SMC1A: variants seen among roughly 807,000 people sequenced by gnomAD.
The protein encoded by SMC1A is structural maintenance of chromosomes 1A.
Under a neutral mutation model 94.5 loss-of-function variants are expected in SMC1A, and 4 were observed. That is an observed-to-expected ratio of 0.04 (90% CI 0.02 to 0.10). The LOEUF (loss-of-function observed/expected upper bound fraction) is 0.10, where lower values mean the gene tolerates loss of function less well. Ranked by LOEUF, SMC1A falls within the 10% of genes least tolerant of loss-of-function variation. The pLI is 1.00. For missense variants in SMC1A, 304 were observed against 989.0 expected (o/e 0.31, Z 9.29); for synonymous variants, 345 against 347.7 (o/e 0.99, Z 0.09).
chrX:53,422,709 G>A, upstream of SMC1A: 1 of 546,375 alleles, frequency 1.8e-6, no homozygotes, highest in Non-Finnish European at 3.3e-6. Flanking sequence ...GGCAAATGTC[G>A]CGAGAATACG....
rs1485015290 is a variant in SMC1A, at chrX:53,374,901, C to T, written c.*5202G>A. The T allele has an allele frequency of 3.5e-5, 4 of 113,037 alleles. No homozygotes were observed. The East Asian group carries it at 1.1e-3, about 32-fold the overall frequency. 9.3% of individuals were successfully genotyped at this position (113,037 alleles called of 1,213,427 possible). ...ATTAACGTTCACTTCTTCTGAATAGCTCACATTCTGCCTCCCTGAAAGATC... is the reference window on the plus strand; with the variant it reads ...ATTAACGTTCACTTCTTCTGAATAGTTCACATTCTGCCTCCCTGAAAGATC... On this transcript the variant is annotated 3_prime_UTR_variant, in exon 25 of 25. Transcript: ENST00000322213.
rs1569351887 is a variant in SMC1A, at chrX:53,382,585, C to T, written c.3206G>A (p.Arg1069His). ...CACAGATTCAAAACAAGCATTGAAG[C>T]GGTCAAAGCGCTCCTTCTTGATCTG... ...FEQIKKERFD[R>H]FNACFESVAT... The change falls in exon 21 of 25, where the codon CGC becomes CAC. Residue 1069 changes from arginine (R) to histidine (H), a missense_variant. Transcript: ENST00000322213. 1.7e-6 allele frequency: 2 copies of T among 1,209,452 alleles called. No individual in the cohort carries two copies. The highest frequency in any genetic ancestry group is 1.8e-5 in the South Asian group (1 of 56,775).
At chrX:53,389,279 C>A (rs1556886857) in intron 19 of SMC1A, among the ~76,000 whole-genome samples, 1 of 110,147 alleles carries the variant, frequency 9.1e-6, no homozygotes, top group Non-Finnish European at 1.9e-5. Flanking sequence ...GGAGGGGGAT[C>A]CTATAAGTTA....
At chrX:53,393,903 T>C (rs1435825386) in intron 19 of SMC1A, among the ~76,000 whole-genome samples, 3 of 110,505 alleles carry the variant, frequency 2.7e-5, no homozygotes, top group Non-Finnish European at 5.7e-5. Context: ...ACACCTGTAA[T>C]CTCAGCACTT....
chrX:53,413,850 G>A (rs897265251), intron 3 of SMC1A, among the ~76,000 whole-genome samples: 7 of 111,092 alleles, frequency 6.3e-5, no homozygotes. Flanking sequence ...GCTGAGGCAG[G>A]CAGATCACCT....
chrX:53,408,451 T>C (rs2075698969), intron 9 of SMC1A, among the ~76,000 whole-genome samples: 1 of 111,873 alleles, frequency 8.9e-6, no homozygotes, highest in South Asian at 3.7e-4. Flanking sequence ...CTAACCATAC[T>C]TATCTCCCCA....
At chrX:53,391,004 G>GAAAAAA (rs1175710151) in intron 19 of SMC1A, among the ~76,000 whole-genome samples, 1 of 54,005 alleles carries the variant, frequency 1.9e-5, no homozygotes, top group Non-Finnish European at 3.4e-5. Flanking sequence ...AAAAGAAAAA[G>GAAAAAA]AAAAAAAAAA....
At chrX:53,385,197 A>G (rs782666878) in intron 19 of SMC1A, among the ~76,000 whole-genome samples, 15 of 108,637 alleles carry the variant, frequency 1.4e-4, no homozygotes, top group African/African-American at 5.0e-4. Flanking sequence ...ACTTATGTAC[A>G]TTTTAGAAAG....
At chrX:53,395,573 T>A (rs946990204) in intron 18 of SMC1A, among the ~76,000 whole-genome samples, 11 of 111,554 alleles carry the variant, frequency 9.9e-5, no homozygotes, top group Admixed American at 7.7e-4. Context: ...TGAAATGCCA[T>A]TTGGAAAGTG....
chrX:53,415,453 C>T (rs2075728025), intron 1 of SMC1A, among the ~76,000 whole-genome samples: 2 of 110,035 alleles, frequency 1.8e-5, no homozygotes, highest in Non-Finnish European at 3.8e-5. Flanking sequence ...TTTGGGATGC[C>T]GAGGCAGGAA....
chrX:53,415,132 T>C lies in SMC1A; in HGVS notation c.147A>G (p.Leu49=), dbSNP rs782283592. Residue 49 remains leucine, a synonymous_variant, in exon 2 of 25, where the codon CTA becomes CTG. Coordinates refer to ENST00000322213, the MANE Select transcript of SMC1A (RefSeq NM_006306.4). ...CCCGCAGGTTGCTGGTTTTTTCACC[T>C]AGCACAAAGCTGATGGCATCCATGA... ...SNLMDAISFV[L]GEKTSNLRVK... The C allele has an allele frequency of 8.3e-7, 1 of 1,211,047 alleles. No homozygotes were observed. Among genetic ancestry groups the C allele is most frequent in the South Asian group, 1.8e-5 (1 of 56,985 alleles).
intron 9 of SMC1A, 70 bp from the exon 10 acceptor site, chrX:53,406,026 A>C: frequency 2.0e-6 from 2 of 983,536 alleles, no homozygotes; most frequent in African/African-American, 3.7e-5. Flanking sequence ...CCTAATTCCC[A>C]GTATGGAAAG....
chrX:53,393,360 T>C (rs1051821390), intron 19 of SMC1A, among the ~76,000 whole-genome samples: 1 of 111,003 alleles, frequency 9.0e-6, no homozygotes, highest in Admixed American at 9.7e-5. Context: ...GAAAATGTTA[T>C]AGACTAGCAG....
chrX:53,411,979 C>T lies in SMC1A; in HGVS notation c.1113+16G>A. ...GCCCAGGGATCTCCTCCCTGCCAAC[C>T]CCTTCCAGAGCTTACCTGATTCTCC... On this transcript the variant is annotated intron_variant, in intron 6 of 24. Transcript: ENST00000322213. 1 of 1,211,578 alleles carries T rather than the reference C, an allele frequency of 8.3e-7. No homozygotes were observed. The highest frequency in any genetic ancestry group is 1.8e-5 in the South Asian group (1 of 56,975).
intron 15 of SMC1A, among the ~76,000 whole-genome samples, chrX:53,400,463 T>C (rs1357741557): frequency 8.9e-6 from 1 of 111,817 alleles, no homozygotes; most frequent in Non-Finnish European, 1.9e-5. Flanking sequence ...TGAGTTAATA[T>C]GTATAAAGTC....
In SMC1A at chrX:53,411,876, T is replaced by C; in HGVS notation, c.1139A>G (p.Glu380Gly). The change falls in exon 7 of 25, where the codon GAA becomes GGA. Residue 380 changes from glutamate to glycine, a missense_variant. Physicochemically the swap from Glu to Gly is moderately conservative, Grantham distance 98. Around this residue, in one of 11 missense-constraint regions of SMC1A, gnomAD observed 120 missense variants for 314.9 expected, o/e 0.38. Transcript: ENST00000322213. ...GGTAGCTGCTCTCTTGCTGGCTTCT[T>C]CTTTCAACCGGTGGTATTTCTTCAC... ...NQVKKYHRLK[E>G]EASKRAATLA... The C allele has an allele frequency of 8.3e-7, 1 of 1,211,505 alleles. No homozygotes were observed.
intron 7 of SMC1A, among the ~76,000 whole-genome samples, chrX:53,410,714 T>C (rs1487539078): frequency 1.9e-5 from 2 of 106,241 alleles, no homozygotes; most frequent in African/African-American, 6.9e-5. Context: ...GGCAGGAGAA[T>C]TGCTTGAACT....
intron 1 of SMC1A, among the ~76,000 whole-genome samples, chrX:53,417,895 G>T (rs1311706728): frequency 8.9e-6 from 1 of 112,067 alleles, no homozygotes; most frequent in African/African-American, 3.2e-5. Context: ...AAACTTGGGA[G>T]AAGAGAAGGC....
rs782292864 is a variant in SMC1A, at chrX:53,405,386, C to T, written c.1917G>A (p.Val639=). The T allele has an allele frequency of 3.5e-5, 42 of 1,209,882 alleles. No homozygotes were observed. Among genetic ancestry groups the T allele is most frequent in the Non-Finnish European group, 4.0e-5 (36 of 895,175 alleles). ...TCTGGAATAGGGTTCCATCCAGTGC[C>T]ACTGTCTACACACAGCAGGGGGAAG... ...AFGGHQRHKT[V]ALDGTLFQKS... is the part of the protein sequence containing the mutation. The change falls in exon 12 of 25, where the codon GTG becomes GTA. Residue 639 remains valine, a synonymous_variant. Coordinates refer to ENST00000322213, the MANE Select transcript of SMC1A (RefSeq NM_006306.4).
Sources: allele counts gnomAD v4.1 joint callset (sites outside exome capture counted in the v4.1 genomes callset), GRCh38; gene constraint gnomAD v4.1.1; regional missense constraint gnomAD v4.1.1; transcripts MANE v1.5; gene names NCBI Gene and HGNC (gene_info 2026-07-23, HGNC 2026-07-21).